GTPBP1: variants seen among roughly 807,000 people sequenced by gnomAD.
GTPBP1 encodes the protein GTP binding protein 1.
GTPBP1 carries 23 observed loss-of-function variants against 62.0 expected under a neutral mutation model. The ratio of observed to expected loss-of-function variants is 0.37; its 90% CI spans 0.27 to 0.53. The LOEUF (loss-of-function observed/expected upper bound fraction) is 0.53, where lower values mean the gene tolerates loss of function less well. Among genes scored for constraint, GTPBP1 ranks in the 20% least tolerant of loss-of-function variants. The pLI is 0.89. For missense variants in GTPBP1, 640 were observed against 917.3 expected (o/e 0.70, Z 3.90); for synonymous variants, 344 against 364.4 (o/e 0.94, Z 0.64).
At chr22:38,740,817 C>T (rs2092850474), downstream of GTPBP1, 4 of 642,742 alleles carry the variant, frequency 6.2e-6, no homozygotes, top group Non-Finnish European at 8.1e-6. This position sits in a 1 kb window ranked among gnomAD's most constrained non-coding sequence, Gnocchi z 4.8. Flanking sequence ...GACCCCCCTG[C>T]TAACCTCCAT....
At chr22:38,712,344 T>G (rs2092644789) in intron 2 of GTPBP1, among the ~76,000 whole-genome samples, 1 of 152,136 alleles carries the variant, frequency 6.6e-6, no homozygotes, top group South Asian at 2.1e-4. Context: ...CAGGAATATA[T>G]AGTGGACCAA....
At chr22:38,723,215 G>A (rs752756878) in intron 5 of GTPBP1, 17 of 1,028,070 alleles carry the variant, frequency 1.7e-5, no homozygotes, top group Non-Finnish European at 2.5e-5. Context: ...TAGAAGAAAA[G>A]CACCAAATTA....
rs2092724302 is a variant in GTPBP1 at position 38,725,942 on chromosome 22, A to T, written c.1074-64A>T. The T allele has an allele frequency of 3.3e-6, 5 of 1,510,198 alleles. No homozygotes were observed. In the South Asian group the frequency reaches 5.7e-5, roughly 17 times the overall value. The allele number at this position is 1,510,198 out of a possible 1,614,324, so 93.5% of individuals were successfully genotyped here. A position where few individuals can be genotyped will look rare whatever the true frequency, so the allele number is the denominator to read the frequency against. The stretch of plus-strand genomic sequence containing the variant: ...CCTGTTGCTGCCCCTGGTCTGTGTC[A>T]GGGCAGGACCTGGTCTCCTGAGTGC... On this transcript the variant is annotated intron_variant, in intron 6 of 11. Coordinates refer to ENST00000216044, the MANE Select transcript of GTPBP1 (RefSeq NM_004286.5).
downstream of GTPBP1, chr22:38,742,444 C>T (rs566953413): frequency 1.2e-6 from 2 of 1,613,622 alleles, no homozygotes; most frequent in South Asian, 2.2e-5. Context: ...TGCCGCAGCT[C>T]CAGACGTTCC....
rs1291472643 is a variant in GTPBP1, at chr22:38,716,202, T to G, written c.485+115T>G. Reference sequence around the variant, plus strand: ...TTCCCCTCCTGAGGCGGGGAAAGAGTGTCCAGGTGTCTGGAGACGTGGGCT... The same window carrying G: ...TTCCCCTCCTGAGGCGGGGAAAGAGGGTCCAGGTGTCTGGAGACGTGGGCT... On this transcript the variant is annotated intron_variant, in intron 3 of 11. Transcript: ENST00000216044. The surrounding 1 kb of genome is among the most constrained non-coding windows in gnomAD (Gnocchi z 5.2). 1 of 840,880 alleles carries G rather than the reference T, an allele frequency of 1.2e-6. No individual in the cohort carries two copies. The highest frequency in any genetic ancestry group is 1.9e-6 in the Non-Finnish European group (1 of 524,602). 52.1% of individuals were successfully genotyped at this position (840,880 alleles called of 1,614,324 possible).
At chr22:38,715,235 T>G (rs2092662930) in intron 2 of GTPBP1, among the ~76,000 whole-genome samples, 1 of 152,218 alleles carries the variant, frequency 6.6e-6, no homozygotes, top group Non-Finnish European at 1.5e-5. Flanking sequence ...TGCCTCAGCC[T>G]ACGGGTGTCT....
intron 4 of GTPBP1, among the ~76,000 whole-genome samples, chr22:38,721,228 T>G (rs1346701453): frequency 2.0e-5 from 3 of 152,182 alleles, no homozygotes; most frequent in African/African-American, 4.8e-5. Context: ...TACAGGCATG[T>G]GCCACCACGC....
intron 5 of GTPBP1, chr22:38,723,278 G>A (rs1264024462): frequency 1.1e-6 from 1 of 914,798 alleles, no homozygotes; most frequent in Non-Finnish European, 1.8e-6. Context: ...ATTGACAATG[G>A]CTGTACCCTT....
downstream of GTPBP1, chr22:38,737,703 T>C: frequency 2.8e-6 from 1 of 358,522 alleles, no homozygotes; most frequent in South Asian, 2.1e-5. The surrounding 1 kb of genome is among the most constrained non-coding windows in gnomAD (Gnocchi z 4.1). Context: ...TCCTGGGTCC[T>C]GTCAGCCCTA....
chr22:38,713,994 A>G (rs2092654520), intron 2 of GTPBP1, among the ~76,000 whole-genome samples: 1 of 152,182 alleles, frequency 6.6e-6, no homozygotes, highest in African/African-American at 2.4e-5. Context: ...GAACAGGGCC[A>G]CTGACAGACT....
rs372470531 is a variant in GTPBP1 at position 38,729,608 on chromosome 22, A to T, written c.1863A>T (p.Glu621Asp). 11 of 1,559,048 alleles carry T rather than the reference A, an allele frequency of 7.1e-6. No homozygotes were observed. The highest frequency in any genetic ancestry group is 9.5e-6 in the Non-Finnish European group (11 of 1,154,478). The change falls in exon 11 of 12, where the codon GAA (glutamate) becomes GAT (aspartate). Residue 621 changes from glutamate to aspartate, a missense_variant. Glu to Asp is a conservative substitution (Grantham distance 45). Transcript: ENST00000216044. ...TAGGAGCACCCCCACCTGGAGATGA[A>T]GCCTCCTCTGTAGGGGCAGGGCAAC... ...PAVGAPPPGD[E>D]ASSVGAGQPA...
rs1300251400 is a variant in GTPBP1 at position 38,717,045 on chromosome 22, C to T, written c.834+45C>T. 3 of 1,222,540 alleles carry T rather than the reference C, an allele frequency of 2.5e-6. No homozygotes were observed. The Admixed American group carries it at 5.2e-5, about 21-fold the overall frequency. The allele number at this position is 1,222,540 out of a possible 1,614,324, so 75.7% of individuals were successfully genotyped here. On this transcript the variant is annotated intron_variant, in intron 4 of 11. Transcript: ENST00000216044. The stretch of plus-strand genomic sequence containing the variant: ...AGGAGGGGAGGCGTCAGCAGGGCTG[C>T]TTGGGTCTGGTTATGTGCAAGTCTG...
At position 38,721,771 on chromosome 22, in the gene GTPBP1, G is replaced by T; in HGVS notation, c.864G>T (p.Met288Ile). 1 of 1,612,844 alleles carries T rather than the reference G, an allele frequency of 6.2e-7. No individual in the cohort carries two copies. Among genetic ancestry groups the T allele is most frequent in the South Asian group, 1.1e-5 (1 of 90,992 alleles). The change falls in exon 5 of 12, where the codon ATG (methionine) becomes ATT (isoleucine). Residue 288 changes from methionine to isoleucine, a missense_variant. This residue lies in a region of GTPBP1 where 88 missense variants were observed against 217.0 expected (regional missense o/e 0.41). Transcript: ENST00000216044. ...MVGSNAGIVG[M>I]TKEHLGLALA... ...GCAGCAATGCTGGCATCGTGGGGAT[G>T]ACCAAAGAACACCTGGGCTTGGCAC...
chr22:38,739,101 T>A, downstream of GTPBP1: 1 of 1,112,564 alleles, frequency 9.0e-7, no homozygotes, highest in Non-Finnish European at 1.3e-6. The surrounding 1 kb of genome is among the most constrained non-coding windows in gnomAD (Gnocchi z 6.7). Flanking sequence ...GCCTAGCCTT[T>A]AACCCTAACC....
Position 38,716,615 on chromosome 22 carries a change from A to G in GTPBP1, c.486-37A>G, listed in dbSNP as rs369844031. On this transcript the variant is annotated intron_variant, in intron 3 of 11. Coordinates refer to ENST00000216044, the MANE Select transcript of GTPBP1 (RefSeq NM_004286.5). The surrounding 1 kb of genome is among the most constrained non-coding windows in gnomAD (Gnocchi z 5.2). ...GGTCGCTCCACCTCACTCATTCACT[A>G]ACTCTCACATAGATGTATGGGTTCA... 6 of 1,459,514 alleles carry G rather than the reference A, an allele frequency of 4.1e-6. No individual in the cohort carries two copies. The highest frequency in any genetic ancestry group is 2.4e-5 in the South Asian group (2 of 84,368). 90.4% of individuals were successfully genotyped at this position (1,459,514 alleles called of 1,614,324 possible).
At chr22:38,712,909 G>C (rs1008813195) in intron 2 of GTPBP1, among the ~76,000 whole-genome samples, 1 of 152,166 alleles carries the variant, frequency 6.6e-6, no homozygotes, top group Non-Finnish European at 1.5e-5. Flanking sequence ...TTGTTCATTT[G>C]TTTTACATTT....
At chr22:38,725,914 AGC>A in intron 6 of GTPBP1, 90 bp from the exon 7 acceptor site, 1 of 1,190,686 alleles carries the variant, frequency 8.4e-7, no homozygotes, top group South Asian at 1.3e-5. Context: ...CTGCTCCTCG[AGC>A]CCTGTTGCTG....
downstream of GTPBP1, chr22:38,740,183 G>C: frequency 7.0e-7 from 1 of 1,432,232 alleles, no homozygotes; most frequent in Non-Finnish European, 9.2e-7. This position sits in a 1 kb window ranked among gnomAD's most constrained non-coding sequence, Gnocchi z 4.8. Flanking sequence ...GCAGGGGCAA[G>C]GGGTGCTGCT....
chr22:38,738,621 G>C, downstream of GTPBP1: 2 of 1,614,012 alleles, frequency 1.2e-6, no homozygotes, highest in Non-Finnish European at 1.7e-6. This position sits in a 1 kb window ranked among gnomAD's most constrained non-coding sequence, Gnocchi z 6.6. Context: ...ACTGGAGATA[G>C]TGCTGTTGGG....
Sources: gnomAD v4.1 joint callset for allele counts (sites outside exome capture counted in the v4.1 genomes callset) on GRCh38, gnomAD v4.1.1 for gene constraint, gnomAD v4.1.1 regional missense constraint, Gnocchi (gnomAD v3.1) non-coding constraint, MANE v1.5 for transcripts, NCBI Gene and HGNC (gene_info 2026-07-23, HGNC 2026-07-21) for gene names.